The following DIP2A variants were observed in gnomAD, a reference collection of about 807,000 sequenced individuals.
The protein encoded by DIP2A is disco-interacting protein 2 homolog A.
In DIP2A, 85 loss-of-function variants were observed where a neutral mutation model predicts 177.4. The observed-to-expected ratio is 0.48, with a 90% CI of 0.40 to 0.57. DIP2A has a LOEUF of 0.57. Among genes scored for constraint, DIP2A ranks in the 20% least tolerant of loss-of-function variants. DIP2A has a pLI of 0.00. For missense variants in DIP2A, 1,791 were observed against 2,100.2 expected, an observed-to-expected ratio of 0.85 and a Z score of 2.88; for synonymous variants, 886 against 881.8, an observed-to-expected ratio of 1.00 and a Z score of -0.08.
the DIP2A span, among the ~76,000 whole-genome samples, chr21:46,575,726 A>G: frequency 1.3e-5 from 2 of 152,230 alleles, no homozygotes; most frequent in Admixed American, 6.5e-5. Flanking sequence ...AGTACAAAAC[A>G]TTGAATGGAA....
Position 46,567,812 on chromosome 21 carries a change from G to A in DIP2A, c.*190G>A. On this transcript the variant is annotated 3_prime_UTR_variant, in exon 38 of 38. Coordinates refer to ENST00000417564, the MANE Select transcript of DIP2A (RefSeq NM_015151.4). ...TTATTTAAAGAAATATTTTGAATCT[G>A]CCAAGTACATTTACAAAAACACGGA... The A allele has an allele frequency of 1.6e-6, 1 of 633,402 alleles. No homozygotes were observed. Among genetic ancestry groups the A allele is most frequent in the Non-Finnish European group, 2.4e-6 (1 of 412,322 alleles). 39.2% of individuals were successfully genotyped at this position (633,402 alleles called of 1,614,324 possible). A position where few individuals can be genotyped will look rare whatever the true frequency, so the allele number is the denominator to read the frequency against.
Position 46,554,925 on chromosome 21 carries a change from T to C in DIP2A, c.3380T>C (p.Leu1127Pro). 6.4e-7 allele frequency: 1 copy of C among 1,552,002 alleles called. No homozygotes were observed. Among genetic ancestry groups the C allele is most frequent in the Non-Finnish European group, 8.7e-7 (1 of 1,147,752 alleles). ...AVDIRTWPTI[L>P]DTDDIPKKKI... ...GACATCAGGACCTGGCCCACCATCC[T>C]AGACACAGGTGCGTGTCCTCGCACT... Residue 1127 changes from leucine (L) to proline (P), a missense_variant, in exon 28 of 38, where the codon CTA becomes CCA. Physicochemically the swap from Leu to Pro is moderately conservative, Grantham distance 98. Coordinates refer to ENST00000417564, the MANE Select transcript of DIP2A (RefSeq NM_015151.4).
intron 18 of DIP2A, among the ~76,000 whole-genome samples, chr21:46,544,332 C>G (rs909684112): frequency 6.6e-6 from 1 of 152,106 alleles, no homozygotes. Context: ...GCGGAAAGGC[C>G]GAGAAATTGA....
At chr21:46,560,888 G>A (rs891317235) in intron 33 of DIP2A, 105 bp downstream of exon 33, 18 of 1,510,510 alleles carry the variant, frequency 1.2e-5, no homozygotes, top group Admixed American at 4.0e-5. Flanking sequence ...ATTAGAGGAC[G>A]GCGGGGCCAA....
At chr21:46,535,405 G>A (rs1218595480) in intron 13 of DIP2A, among the ~76,000 whole-genome samples, 28 of 152,118 alleles carry the variant, frequency 1.8e-4, no homozygotes, top group Admixed American at 1.8e-3. Flanking sequence ...GAAATTGAAT[G>A]GTATGTCTAA....
intron 13 of DIP2A, among the ~76,000 whole-genome samples, chr21:46,536,544 C>T (rs1372489978): frequency 6.6e-6 from 1 of 152,016 alleles, no homozygotes; most frequent in Non-Finnish European, 1.5e-5. Flanking sequence ...TAAGAATATC[C>T]CTGACAGTTT....
intron 22 of DIP2A, among the ~76,000 whole-genome samples, chr21:46,550,293 A>G (rs908206727): frequency 2.6e-5 from 4 of 152,114 alleles, no homozygotes; most frequent in South Asian, 2.1e-4. Flanking sequence ...CCCATCCCTC[A>G]GCCTCTGATC....
At position 46,550,757 on chromosome 21, in the gene DIP2A, T is replaced by A. The variant is rs774946344; in HGVS notation, c.2839+13T>A. On this transcript the variant is annotated intron_variant, in intron 23 of 37. Coordinates refer to ENST00000417564, the MANE Select transcript of DIP2A (RefSeq NM_015151.4). ...CAGAAACAACCAGGTTAGTTGAACCTAACAACAGGATGCTCTCTAGTCTAA... is the reference window on the plus strand; with the variant it reads ...CAGAAACAACCAGGTTAGTTGAACCAAACAACAGGATGCTCTCTAGTCTAA... 1 of 1,613,280 alleles carries A rather than the reference T, an allele frequency of 6.2e-7. No individual in the cohort carries two copies. Among genetic ancestry groups the A allele is most frequent in the South Asian group, 1.1e-5 (1 of 90,920 alleles).
Position 46,498,585 on chromosome 21 carries a change from C to G in DIP2A, c.407C>G (p.Thr136Arg). The G allele has an allele frequency of 6.2e-7, 1 of 1,605,398 alleles. No individual in the cohort carries two copies. The highest frequency in any genetic ancestry group is 8.5e-7 in the Non-Finnish European group (1 of 1,174,304). The change falls in exon 5 of 38, where the codon ACG becomes AGG. Residue 136 changes from threonine to arginine, a missense_variant. Physicochemically the swap from Thr to Arg is moderately conservative, Grantham distance 71 (BLOSUM62 -1). Transcript: ENST00000417564. This position sits in a 1 kb window ranked among gnomAD's most constrained non-coding sequence, Gnocchi z 4.3. ...SSVETYTPPDTSSASEDEGSL... is the reference protein window; with the variant it reads ...SSVETYTPPDRSSASEDEGSL... ...GTCATCGTTATTTTAACCACAGACA[C>G]GTCGTCTGCCTCAGAAGATGAGGGC...
At chr21:46,469,292 G>C (rs535505623) in intron 1 of DIP2A, 3 of 152,354 alleles carry the variant, frequency 2.0e-5, no homozygotes, top group African/African-American at 7.2e-5. Flanking sequence ...AGAATCCTCT[G>C]TAAATGGATT....
At chr21:46,582,103 C>T in the DIP2A span, among the ~76,000 whole-genome samples, 4 of 152,242 alleles carry the variant, frequency 2.6e-5, no homozygotes, top group East Asian at 5.8e-4. Context: ...GACTCCATTC[C>T]AGGGAGATCA....
intron 2 of DIP2A, 115 bp downstream of exon 2, chr21:46,484,943 C>G (rs756943678): frequency 1.7e-4 from 169 of 968,394 alleles, no homozygotes; most frequent in Non-Finnish European, 2.4e-4. Context: ...ACTTTAAACA[C>G]TGGTATATGT....
At chr21:46,528,984 C>G in intron 8 of DIP2A, 108 bp from the exon 9 acceptor site, 1 of 595,078 alleles carries the variant, frequency 1.7e-6, no homozygotes. Flanking sequence ...ACCTAAATTT[C>G]CACTAATGGG....
At chr21:46,564,654 G>A (rs897422092) in intron 35 of DIP2A, among the ~76,000 whole-genome samples, 1 of 152,202 alleles carries the variant, frequency 6.6e-6, no homozygotes, top group Non-Finnish European at 1.5e-5. Flanking sequence ...AACCAGGCGG[G>A]CACAGGCATC....
chr21:46,514,864 G>T lies in DIP2A; in HGVS notation c.1102+3250G>T, dbSNP rs934645979. ...AAAGTTGTTATCATGAGTTGGGATT[G>T]AATTTTGTCAAATGCTTTTTCTGCT... On this transcript the variant is annotated intron_variant, in intron 8 of 37. Coordinates refer to ENST00000417564, the MANE Select transcript of DIP2A (RefSeq NM_015151.4). 3.3e-5 allele frequency among the ~76,000 whole-genome samples: 5 copies of T among 151,850 alleles called. No individual in the cohort carries two copies. The East Asian group carries it at 7.7e-4, about 23-fold the overall frequency.
rs377612085 is a variant in DIP2A at position 46,554,705 on chromosome 21, A to G, written c.3276+9A>G. ...TCAAGATGATCGTGGAGGTGCGCCTACCTGGCCCGCGGGTCAGAGTCTGTG... is the reference window on the plus strand; with the variant it reads ...TCAAGATGATCGTGGAGGTGCGCCTGCCTGGCCCGCGGGTCAGAGTCTGTG... On this transcript the variant is annotated intron_variant, in intron 27 of 37. Transcript: ENST00000417564. 1.6e-4 allele frequency: 252 copies of G among 1,560,678 alleles called. No individual in the cohort carries two copies. The highest frequency in any genetic ancestry group is 1.9e-4 in the Non-Finnish European group (215 of 1,153,476).
At chr21:46,464,733 TC>T (rs1258251275) in intron 1 of DIP2A, among the ~76,000 whole-genome samples, 1 of 151,358 alleles carries the variant, frequency 6.6e-6, no homozygotes, top group Admixed American at 6.6e-5. Context: ...ACAGCATTAA[TC>T]CACTGATCAT....
intron 1 of DIP2A, among the ~76,000 whole-genome samples, chr21:46,477,764 G>T (rs1166336153): frequency 5.4e-5 from 8 of 148,798 alleles, no homozygotes; most frequent in African/African-American, 1.7e-4. Flanking sequence ...TTTTTTTTTT[G>T]GTAGAGGCAG....
intron 1 of DIP2A, among the ~76,000 whole-genome samples, chr21:46,483,268 A>C (rs559020388): frequency 6.6e-6 from 1 of 152,334 alleles, no homozygotes; most frequent in South Asian, 2.1e-4. Flanking sequence ...TCTAAAAGAC[A>C]CTATAAAAAA....
Sources: allele counts gnomAD v4.1 joint callset (sites outside exome capture counted in the v4.1 genomes callset), GRCh38; gene constraint gnomAD v4.1.1; non-coding constraint Gnocchi (gnomAD v3.1); transcripts MANE v1.5; gene names NCBI Gene and HGNC (gene_info 2026-07-23, HGNC 2026-07-21).